The following RASGRP2 variants were observed in gnomAD, a reference collection of about 807,000 sequenced individuals.
The protein encoded by RASGRP2 is RAS guanyl-releasing protein 2.
In RASGRP2, 44 loss-of-function variants were observed where a neutral mutation model predicts 71.0. The ratio of observed to expected loss-of-function variants is 0.62; its 90% CI spans 0.49 to 0.80. The LOEUF (loss-of-function observed/expected upper bound fraction) is 0.80, where lower values mean the gene tolerates loss of function less well. Ranked by LOEUF, RASGRP2 falls within the 30% of genes least tolerant of loss-of-function variation. The pLI, the probability that RASGRP2 is intolerant of heterozygous loss-of-function variation, is 0.00. For missense variants in RASGRP2, 663 were observed against 813.4 expected, an observed-to-expected ratio of 0.82 and a Z score of 2.25; for synonymous variants, 350 against 330.7, an observed-to-expected ratio of 1.06 and a Z score of -0.63.
chr11:64,743,833 A>G lies in RASGRP2; in HGVS notation c.-72+170T>C. 1 of 294,106 alleles carries G rather than the reference A, an allele frequency of 3.4e-6. No individual in the cohort carries two copies. Among genetic ancestry groups the G allele is most frequent in the Non-Finnish European group, 5.7e-6 (1 of 175,764 alleles). 18.2% of individuals were successfully genotyped at this position (294,106 alleles called of 1,614,324 possible). Reference sequence around the variant, plus strand: ...CATACGCACCCTGGCAGGGGCAAACACTCCACACCCAAGTTATTCGTCGGA... The same window carrying G: ...CATACGCACCCTGGCAGGGGCAAACGCTCCACACCCAAGTTATTCGTCGGA... On this transcript the variant is annotated intron_variant, in intron 1 of 16. Coordinates refer to ENST00000394432, the MANE Select transcript of RASGRP2 (RefSeq NM_001098671.2). This position sits in a 1 kb window ranked among gnomAD's most constrained non-coding sequence, Gnocchi z 4.9.
In RASGRP2 at chr11:64,735,943, T is replaced by A; in HGVS notation, c.1133A>T (p.Tyr378Phe). ...LDQYQTEDEL[Y>F]QLSLQREPRS... ...CGGCTCCCGCTGCAGGGACAGCTGG[T>A]ACAGCTCATCCTCCGTCTGATACTG... Residue 378 changes from tyrosine (Y) to phenylalanine (F), a missense_variant, in exon 10 of 17, where the codon TAC (tyrosine) becomes TTC (phenylalanine). Tyr to Phe is a conservative substitution (Grantham distance 22, BLOSUM62 3). Coordinates refer to ENST00000394432, the MANE Select transcript of RASGRP2 (RefSeq NM_001098671.2). This position sits in a 1 kb window ranked among gnomAD's most constrained non-coding sequence, Gnocchi z 4.2. 1 of 1,614,002 alleles carries A rather than the reference T, an allele frequency of 6.2e-7. No homozygotes were observed. The highest frequency in any genetic ancestry group is 1.7e-5 in the Admixed American group (1 of 60,008).
At chr11:64,745,260 G>C (rs1022514612), upstream of RASGRP2, 4 of 152,448 alleles carry the variant, frequency 2.6e-5, no homozygotes, top group African/African-American at 9.6e-5. Flanking sequence ...TCGGGTTCCT[G>C]TTTTCGAGAC....
chr11:64,736,150 C>A (rs140849026), intron 9 of RASGRP2, among the ~76,000 whole-genome samples, 170 bp from the exon 10 acceptor site: 2 of 152,112 alleles, frequency 1.3e-5, no homozygotes, highest in Non-Finnish European at 2.9e-5. Flanking sequence ...GTCATCCCAG[C>A]GCACAGATCA....
Position 64,739,445 on chromosome 11 carries a change from A to G in RASGRP2, c.728T>C (p.Leu243Pro), listed in dbSNP as rs1458200018. The change falls in exon 8 of 17, where the codon CTG becomes CCG. Residue 243 changes from leucine (L) to proline (P), a missense_variant. Transcript: ENST00000394432. This position sits in a 1 kb window ranked among gnomAD's most constrained non-coding sequence, Gnocchi z 4.2. The part of the protein sequence containing the change: ...KLLQLQNFNT[L>P]MAVVGGLSHS... The stretch of plus-strand genomic sequence containing the variant: ...GCTCAGGCCCCCGACCACTGCCATC[A>G]GCGTGTTGAAGTTCTGCAGCTGTAG... 9 of 1,614,056 alleles carry G rather than the reference A, an allele frequency of 5.6e-6. No homozygotes were observed. The highest frequency in any genetic ancestry group is 7.6e-6 in the Non-Finnish European group (9 of 1,180,032).
In RASGRP2 at chr11:64,726,946, G is replaced by A; in HGVS notation, c.*192C>T. ...TTACACGGGCCTTTTTATTCCATCTGGAAAATACAAATATTCACAAGAGTC... is the reference window on the plus strand; with the variant it reads ...TTACACGGGCCTTTTTATTCCATCTAGAAAATACAAATATTCACAAGAGTC... On this transcript the variant is annotated 3_prime_UTR_variant, in exon 17 of 17. Coordinates refer to ENST00000394432, the MANE Select transcript of RASGRP2 (RefSeq NM_001098671.2). 4.3e-6 allele frequency: 1 copy of A among 232,788 alleles called. No individual in the cohort carries two copies. Among genetic ancestry groups the A allele is most frequent in the South Asian group, 6.5e-5 (1 of 15,450 alleles). 14.4% of individuals were successfully genotyped at this position (232,788 alleles called of 1,614,324 possible). A position where few individuals can be genotyped will look rare whatever the true frequency, so the allele number is the denominator to read the frequency against.
chr11:64,744,246 C>T, upstream of RASGRP2: 1 of 985,742 alleles, frequency 1.0e-6, no homozygotes, highest in Non-Finnish European at 1.2e-6. Flanking sequence ...GCCCGCCCTG[C>T]GGCCCCAGCT....
In RASGRP2 at chr11:64,736,966, T is replaced by C. The variant is rs771630755; in HGVS notation, c.882A>G (p.Ala294=). 5 of 1,613,834 alleles carry C rather than the reference T, an allele frequency of 3.1e-6. No individual in the cohort carries two copies. In the South Asian group the frequency reaches 3.3e-5, roughly 11 times the overall value. Residue 294 remains alanine (A), a synonymous_variant, in exon 9 of 17, where the codon GCA becomes GCG. Transcript: ENST00000394432. ...GNYGNYRRRL[A]ACVGFRFPIL... ...TCGGGAAGCGGAAGCCCACACAGGC[T>C]GCCAGCCGACGCCGGTAGTTGCCAT...
Position 64,740,987 on chromosome 11 carries a change from C to T in RASGRP2, c.332G>A (p.Gly111Glu). 1.2e-6 allele frequency: 2 copies of T among 1,613,952 alleles called. No homozygotes were observed. The highest frequency in any genetic ancestry group is 2.2e-5 in the South Asian group (2 of 91,082). The change falls in exon 5 of 17, where the codon GGG becomes GAG. Residue 111 changes from glycine (G) to glutamate (E), a missense_variant. By Grantham distance (98) the Gly-to-Glu change is moderately conservative (BLOSUM62 -2). Coordinates refer to ENST00000394432, the MANE Select transcript of RASGRP2 (RefSeq NM_001098671.2). Reference sequence around the variant, plus strand: ...GATTAGGCTGCTGTGCCGTCGGTTCCCTTCTTGGTCTAGCAGAGCCTTCAG... The same window carrying T: ...GATTAGGCTGCTGTGCCGTCGGTTCTCTTCTTGGTCTAGCAGAGCCTTCAG... The part of the protein sequence containing the change: ...KELKALLDQE[G>E]NRRHSSLIDI...
Position 64,739,567 on chromosome 11 carries a change from G to A in RASGRP2, c.696+69C>T, listed in dbSNP as rs1205682063. 13 of 1,611,496 alleles carry A rather than the reference G, an allele frequency of 8.1e-6. No individual in the cohort carries two copies. The highest frequency in any genetic ancestry group is 1.0e-5 in the Non-Finnish European group (12 of 1,177,932). ...ATCTAGAGAGAAGGCAGTGGGTTAGGGGAAGGGAAGGGTTGGCCTGACTGG... is the reference window on the plus strand; with the variant it reads ...ATCTAGAGAGAAGGCAGTGGGTTAGAGGAAGGGAAGGGTTGGCCTGACTGG... On this transcript the variant is annotated intron_variant, in intron 7 of 16. Transcript: ENST00000394432. The surrounding 1 kb of genome is among the most constrained non-coding windows in gnomAD (Gnocchi z 4.2).
intron 15 of RASGRP2, among the ~76,000 whole-genome samples, chr11:64,728,087 G>C (rs980536926): frequency 6.6e-6 from 1 of 152,020 alleles, no homozygotes; most frequent in Non-Finnish European, 1.5e-5. Flanking sequence ...ATAGTTGTTC[G>C]GACTGTTCTC....
Position 64,741,072 on chromosome 11 carries a change from T to A in RASGRP2, c.247A>T (p.Ile83Phe). The A allele has an allele frequency of 1.2e-6, 2 of 1,612,846 alleles. No individual in the cohort carries two copies. Among genetic ancestry groups the A allele is most frequent in the Non-Finnish European group, 1.7e-6 (2 of 1,179,980 alleles). ...TCAAACTCCGCTGGGAAGGCGGAGATCCAGTACCTGGAGGAGCGGGGAGTC... is the reference window on the plus strand; with the variant it reads ...TCAAACTCCGCTGGGAAGGCGGAGAACCAGTACCTGGAGGAGCGGGGAGTC... ...VKTCHLVRYW[I>F]SAFPAEFDLN... Residue 83 changes from isoleucine (I) to phenylalanine (F), a missense_variant, in exon 5 of 17, where the codon ATC becomes TTC. Transcript: ENST00000394432.
Position 64,732,332 on chromosome 11 carries a change from G to A in RASGRP2, c.1413-2138C>T, listed in dbSNP as rs536113186. On this transcript the variant is annotated intron_variant, in intron 12 of 16. Transcript: ENST00000394432. ...GAGGTCAGGAGTTCAAGACCAGCCT[G>A]GCCAACAAGGTAAAACTCCATCTCT... Among the ~76,000 whole-genome samples, 4 of 151,514 alleles carry A rather than the reference G, an allele frequency of 2.6e-5. 1 individual carries two copies. The South Asian group carries it at 8.4e-4, about 32-fold the overall frequency.
At position 64,726,956 on chromosome 11, in the gene RASGRP2, A is replaced by G. The variant is rs188830656; in HGVS notation, c.*182T>C. The G allele has an allele frequency of 9.2e-5, 23 of 249,022 alleles. No homozygotes were observed. In the Admixed American group the frequency reaches 1.1e-3, roughly 12 times the overall value. 15.4% of individuals were successfully genotyped at this position (249,022 alleles called of 1,614,324 possible). On this transcript the variant is annotated 3_prime_UTR_variant, in exon 17 of 17. Coordinates refer to ENST00000394432, the MANE Select transcript of RASGRP2 (RefSeq NM_001098671.2). ...CTTTTTATTCCATCTGGAAAATACAAATATTCACAAGAGTCTGTACAACCT... is the reference window on the plus strand; with the variant it reads ...CTTTTTATTCCATCTGGAAAATACAGATATTCACAAGAGTCTGTACAACCT...
chr11:64,737,402 G>A (rs2057976660), intron 8 of RASGRP2: 1 of 341,212 alleles, frequency 2.9e-6, no homozygotes, highest in African/African-American at 2.1e-5. Flanking sequence ...TGGGCGTGGT[G>A]GCTCACACTT....
rs1363148918 is a variant in RASGRP2 at position 64,743,556 on chromosome 11, AGGAGGCGTCAGCGGGAAGCCTGAGCCT to A, written c.-72+420_-72+446del. The A allele has an allele frequency of 2.9e-6, 1 of 343,544 alleles. No individual in the cohort carries two copies. Among genetic ancestry groups the A allele is most frequent in the Non-Finnish European group, 5.7e-6 (1 of 176,332 alleles). The allele number at this position is 343,544 out of a possible 1,614,324, so 21.3% of individuals were successfully genotyped here. A position where few individuals can be genotyped will look rare whatever the true frequency, so the allele number is the denominator to read the frequency against. ...GGGGCGGGGGGAGCCCGCTGCGGCCAGGAGGCGTCAGCGGGAAGCCTGAGCCTGGGAACTGAGCGCTCCCAGGCCACC... is the reference window on the plus strand; with the variant it reads ...GGGGCGGGGGGAGCCCGCTGCGGCCAGGGAACTGAGCGCTCCCAGGCCACC... On this transcript the variant is annotated intron_variant, in intron 1 of 16. Transcript: ENST00000394432. This position sits in a 1 kb window ranked among gnomAD's most constrained non-coding sequence, Gnocchi z 4.9.
rs899597371 is a variant in RASGRP2, at chr11:64,739,533, G to A, written c.697-57C>T. On this transcript the variant is annotated intron_variant, in intron 7 of 16. Transcript: ENST00000394432. The surrounding 1 kb of genome is among the most constrained non-coding windows in gnomAD (Gnocchi z 4.2). Reference sequence around the variant, plus strand: ...AGTCACTGAGTGGGCCCAGAATTTGGCCCAGCTTATCTAGAGAGAAGGCAG... The same window carrying A: ...AGTCACTGAGTGGGCCCAGAATTTGACCCAGCTTATCTAGAGAGAAGGCAG... The A allele has an allele frequency of 3.8e-4, 608 of 1,608,980 alleles. No homozygotes were observed. Among genetic ancestry groups the A allele is most frequent in the Non-Finnish European group, 4.9e-4 (575 of 1,175,592 alleles).
At chr11:64,737,171 G>A (rs1054719196) in intron 8 of RASGRP2, 137 bp from the exon 9 acceptor site, 28 of 1,031,994 alleles carry the variant, frequency 2.7e-5, no homozygotes, top group African/African-American at 4.8e-5. Context: ...TGTCCCCCAC[G>A]ACTGGCTCTC....
chr11:64,735,362 A>C lies in RASGRP2; in HGVS notation c.1297-135T>G. Reference sequence around the variant, plus strand: ...AGGTCTCTGACACCACCCCCGTTCCATACCTCCACCCCCACCCTACCCAGG... The same window carrying C: ...AGGTCTCTGACACCACCCCCGTTCCCTACCTCCACCCCCACCCTACCCAGG... On this transcript the variant is annotated intron_variant, in intron 11 of 16. Transcript: ENST00000394432. This position sits in a 1 kb window ranked among gnomAD's most constrained non-coding sequence, Gnocchi z 4.2. 7.7e-7 allele frequency: 1 copy of C among 1,296,296 alleles called. No individual in the cohort carries two copies. Among genetic ancestry groups the C allele is most frequent in the Non-Finnish European group, 1.1e-6 (1 of 902,990 alleles). 80.3% of individuals were successfully genotyped at this position (1,296,296 alleles called of 1,614,324 possible). A position where few individuals can be genotyped will look rare whatever the true frequency, so the allele number is the denominator to read the frequency against.
rs1450900912 is a variant in RASGRP2, at chr11:64,739,658, G to GTGATGACC, written c.666_673dup (p.Thr225ArgfsTer22). 2 of 1,613,942 alleles carry GTGATGACC rather than the reference G, an allele frequency of 1.2e-6. No individual in the cohort carries two copies. The highest frequency in any genetic ancestry group is 2.2e-5 in the South Asian group (2 of 91,080). ...CACCTCCGCCACGTGGACAAAGTGT[G>GTGATGACC]TGATGACCAGGGCCCGCTGCGGGGC... On this transcript the variant is annotated frameshift_variant, in exon 7 of 17. Coordinates refer to ENST00000394432, the MANE Select transcript of RASGRP2 (RefSeq NM_001098671.2). LOFTEE classifies it high-confidence loss of function. This position sits in a 1 kb window ranked among gnomAD's most constrained non-coding sequence, Gnocchi z 4.2.
Sources: gnomAD v4.1 joint callset for allele counts (sites outside exome capture counted in the v4.1 genomes callset) on GRCh38, gnomAD v4.1.1 for gene constraint, Gnocchi (gnomAD v3.1) non-coding constraint, MANE v1.5 for transcripts, NCBI Gene and HGNC (gene_info 2026-07-23, HGNC 2026-07-21) for gene names.